COL5A1: variants seen among roughly 807,000 people sequenced by gnomAD.
The protein encoded by COL5A1 is collagen type V alpha 1 chain.
In COL5A1, 16 loss-of-function variants were observed where a neutral mutation model predicts 263.7. The ratio of observed to expected loss-of-function variants is 0.06; its 90% CI spans 0.04 to 0.09. The LOEUF (loss-of-function observed/expected upper bound fraction) is 0.09, where lower values mean the gene tolerates loss of function less well. Among genes scored for constraint, COL5A1 ranks in the 10% least tolerant of loss-of-function variants. The pLI is 1.00. For synonymous variants in COL5A1, 1,012 were observed against 1,004.5 expected, an observed-to-expected ratio of 1.01 and a Z score of -0.14; for missense variants, 2,036 against 2,540.5, an observed-to-expected ratio of 0.80 and a Z score of 4.27.
intron 1 of COL5A1, among the ~76,000 whole-genome samples, chr9:134,685,055 A>ATCCACAT (rs145886142): frequency 8.7e-4 from 26 of 29,812 alleles, no homozygotes; most frequent in Admixed American, 2.6e-3. Context: ...CCATCCATCC[A>ATCCACAT]CCATCCATCC....
chr9:134,702,299 C>G (rs774786076), intron 4 of COL5A1, among the ~76,000 whole-genome samples: 2 of 152,182 alleles, frequency 1.3e-5, no homozygotes, highest in Admixed American at 1.3e-4. Context: ...AAATGGCCTC[C>G]GAGGGCCATC....
intron 41 of COL5A1, 49 bp from the exon 42 acceptor site, chr9:134,806,140 A>G (rs1379929880): frequency 2.9e-6 from 4 of 1,377,828 alleles, no homozygotes; most frequent in South Asian, 1.2e-5. Context: ...AGTCACGACC[A>G]CGCAGTCTGA....
chr9:134,706,991 A>G (rs557942100), intron 4 of COL5A1, among the ~76,000 whole-genome samples: 11 of 152,314 alleles, frequency 7.2e-5, no homozygotes, highest in Middle Eastern at 3.4e-3. Context: ...GGAGGGCTCC[A>G]TGCACCTCTC....
At chr9:134,653,183 GCACT>G (rs1045031618) in intron 1 of COL5A1, 5 of 154,092 alleles carry the variant, frequency 3.2e-5, no homozygotes, top group African/African-American at 1.2e-4. Flanking sequence ...CCTGGCAGCG[GCACT>G]CACTCATCTC....
intron 39 of COL5A1, among the ~76,000 whole-genome samples, chr9:134,803,842 C>CA (rs1293535673): frequency 4.8e-5 from 7 of 146,212 alleles, no homozygotes; most frequent in South Asian, 2.2e-4. Flanking sequence ...GACTCCATCT[C>CA]AAAAAAAAGA....
At chr9:134,659,882 A>G (rs1185316735) in intron 1 of COL5A1, among the ~76,000 whole-genome samples, 1 of 152,142 alleles carries the variant, frequency 6.6e-6, no homozygotes, top group East Asian at 1.9e-4. Context: ...TTTCCATTTT[A>G]GCGGGAAGGA....
rs115569337 is a variant in COL5A1 at position 134,716,444 on chromosome 9, G to T, written c.655-10822G>T. On this transcript the variant is annotated intron_variant, in intron 4 of 65. Coordinates refer to ENST00000371817, the MANE Select transcript of COL5A1 (RefSeq NM_000093.5). The surrounding 1 kb of genome is among the most constrained non-coding windows in gnomAD (Gnocchi z 4.5). ...GCCATAAAACAGTGTCTGCAGGCCC[G>T]CTGCTCCGAAAGTCAAGATGTGGAG... Among the ~76,000 whole-genome samples the T allele has an allele frequency of 6.0e-5, 9 of 150,818 alleles. No homozygotes were observed. Among genetic ancestry groups the T allele is most frequent in the Non-Finnish European group, 1.2e-4 (8 of 67,996 alleles).
rs1373108210 is a variant in COL5A1 at position 134,696,233 on chromosome 9, G to C, written c.278-3676G>C. ...CTGTCGCCCAGGCTGGAGTGCAGTG[G>C]TGTAATCTTGGCTCACGGCAACCTC... On this transcript the variant is annotated intron_variant, in intron 2 of 65. Transcript: ENST00000371817. This position sits in a 1 kb window ranked among gnomAD's most constrained non-coding sequence, Gnocchi z 4.3. Among the ~76,000 whole-genome samples, 4 of 152,122 alleles carry C rather than the reference G, an allele frequency of 2.6e-5. No individual in the cohort carries two copies. Among genetic ancestry groups the C allele is most frequent in the African/African-American group, 9.7e-5 (4 of 41,416 alleles).
At chr9:134,705,536 C>T (rs1256083556) in intron 4 of COL5A1, among the ~76,000 whole-genome samples, 1 of 152,244 alleles carries the variant, frequency 6.6e-6, no homozygotes, top group Non-Finnish European at 1.5e-5. Context: ...CAGCCTTGGA[C>T]TTCCTTCCCT....
intron 53 of COL5A1, 96 bp from the exon 54 acceptor site, chr9:134,817,682 G>A: frequency 8.9e-7 from 1 of 1,122,854 alleles, no homozygotes. Flanking sequence ...GCCCCTGCAG[G>A]CCACACACAC....
In COL5A1 at chr9:134,810,328, C is replaced by T. The variant is rs953439461; in HGVS notation, c.3528+20C>T. The T allele has an allele frequency of 1.1e-5, 18 of 1,612,062 alleles. No individual in the cohort carries two copies. The highest frequency in any genetic ancestry group is 9.3e-5 in the African/African-American group (7 of 74,886). ...GAACAGGTAAGTATTGGCACGGGGG[C>T]GCGCGGCAGCCCCCAGGTCCCGGGG... On this transcript the variant is annotated intron_variant, in intron 44 of 65. Coordinates refer to ENST00000371817, the MANE Select transcript of COL5A1 (RefSeq NM_000093.5).
chr9:134,735,169 C>A (rs535645239), intron 9 of COL5A1, among the ~76,000 whole-genome samples: 1 of 150,834 alleles, frequency 6.6e-6, no homozygotes, highest in East Asian at 2.0e-4. Flanking sequence ...GCCAAGATTG[C>A]GCCACTGCAC....
intron 4 of COL5A1, among the ~76,000 whole-genome samples, chr9:134,725,164 T>C (rs938823325): frequency 1.5e-4 from 23 of 152,204 alleles, no homozygotes; most frequent in African/African-American, 5.3e-4. Context: ...TCCAAGTTCT[T>C]TTCCCTCCCT....
chr9:134,766,881 C>A, intron 22 of COL5A1, 119 bp from the exon 23 acceptor site: 4 of 981,998 alleles, frequency 4.1e-6, no homozygotes, highest in Non-Finnish European at 6.4e-6. Context: ...TTCCCGCTGG[C>A]ATTAGGCAGT....
Position 134,641,840 on chromosome 9 carries a change from C to T in COL5A1, c.-348C>T, listed in dbSNP as rs1257592716. ...CGTCCCCGCGGCTGGCGCAGGACCTCACTCGAGCGGAGCGCCCACGGGGAG... is the reference window on the plus strand; with the variant it reads ...CGTCCCCGCGGCTGGCGCAGGACCTTACTCGAGCGGAGCGCCCACGGGGAG... On this transcript the variant is annotated 5_prime_UTR_variant, in exon 1 of 66. Transcript: ENST00000371817. 2.6e-6 allele frequency: 1 copy of T among 389,288 alleles called. No homozygotes were observed. Among genetic ancestry groups the T allele is most frequent in the Admixed American group, 4.5e-5 (1 of 22,374 alleles). The allele number at this position is 389,288 out of a possible 1,614,324, so 24.1% of individuals were successfully genotyped here.
At chr9:134,713,857 G>C (rs1834154392) in intron 4 of COL5A1, among the ~76,000 whole-genome samples, 1 of 152,206 alleles carries the variant, frequency 6.6e-6, no homozygotes, top group African/African-American at 2.4e-5. Flanking sequence ...GTGGAGTGGA[G>C]AGTGGGTGGC....
chr9:134,787,289 AGT>A (rs1364766816), intron 31 of COL5A1, among the ~76,000 whole-genome samples: 2 of 152,226 alleles, frequency 1.3e-5, no homozygotes, highest in Non-Finnish European at 2.9e-5. Context: ...CCATCAGCAC[AGT>A]GACCCGGTTT....
At chr9:134,822,436 C>T (rs1015279062) in intron 59 of COL5A1, among the ~76,000 whole-genome samples, 7 of 152,146 alleles carry the variant, frequency 4.6e-5, no homozygotes, top group South Asian at 2.1e-4. Context: ...GGGGAGGGTG[C>T]GGAAGGTAGT....
At chr9:134,778,314 GC>G (rs1030676794) in intron 27 of COL5A1, among the ~76,000 whole-genome samples, 3 of 152,258 alleles carry the variant, frequency 2.0e-5, no homozygotes, top group African/African-American at 7.2e-5. Context: ...TTCCTGGGCT[GC>G]CCGGGCCCAC....
Sources: gnomAD v4.1 joint callset for allele counts (sites outside exome capture counted in the v4.1 genomes callset) on GRCh38, gnomAD v4.1.1 for gene constraint, Gnocchi (gnomAD v3.1) non-coding constraint, MANE v1.5 for transcripts, NCBI Gene and HGNC (gene_info 2026-07-23, HGNC 2026-07-21) for gene names.